The following PKHD1 variants were observed in gnomAD, a reference collection of about 807,000 sequenced individuals.
The protein encoded by PKHD1 is fibrocystin.
PKHD1 carries 291 observed loss-of-function variants against 412.0 expected under a neutral mutation model. That is an observed-to-expected ratio of 0.71 (90% CI 0.64 to 0.78). The LOEUF (loss-of-function observed/expected upper bound fraction) is 0.78, where lower values mean the gene tolerates loss of function less well. Ranked by LOEUF, PKHD1 falls within the 30% of genes least tolerant of loss-of-function variation. The pLI is 0.00. For synonymous variants in PKHD1, 1,777 were observed against 1,821.5 expected (o/e 0.98, Z 0.62); for missense variants, 4,825 against 4,950.7 (o/e 0.97, Z 0.76).
chr6:52,085,379 T>A (rs531941145), intron 1 of PKHD1, among the ~76,000 whole-genome samples: 72 of 152,350 alleles, frequency 4.7e-4, no homozygotes, highest in Admixed American at 1.5e-3. Flanking sequence ...CAGCTTTCCC[T>A]CGTGCTGCTC....
chr6:52,043,779 C>CA (rs1296146389), intron 25 of PKHD1, 49 bp from the exon 26 acceptor site: 1 of 1,271,512 alleles, frequency 7.9e-7, no homozygotes, highest in East Asian at 2.3e-5. Flanking sequence ...TCATATCTAC[C>CA]AGGGTATTCA....
intron 60 of PKHD1, among the ~76,000 whole-genome samples, chr6:51,687,936 T>C (rs570523314): frequency 6.6e-6 from 1 of 152,362 alleles, no homozygotes; most frequent in South Asian, 2.1e-4. Context: ...CTACAAATAG[T>C]ATTGCCTTGA....
At position 51,847,643 on chromosome 6, in the gene PKHD1, T is replaced by C. The variant is rs537219211; in HGVS notation, c.8107+132A>G. On this transcript the variant is annotated intron_variant, in intron 50 of 66. Transcript: ENST00000371117. The stretch of plus-strand genomic sequence containing the variant: ...CCAGGCAATCAGACTTCAGGGAACA[T>C]TCACTCAACCATAACACACAGCTGT... 5.2e-5 allele frequency: 39 copies of C among 748,526 alleles called. No homozygotes were observed. In the South Asian group the frequency reaches 5.6e-4, roughly 11 times the overall value. 46.4% of individuals were successfully genotyped at this position (748,526 alleles called of 1,614,324 possible).
intron 60 of PKHD1, among the ~76,000 whole-genome samples, chr6:51,702,753 T>C (rs1423989018): frequency 6.6e-6 from 1 of 151,844 alleles, no homozygotes; most frequent in Non-Finnish European, 1.5e-5. Context: ...TTTTGATAAA[T>C]GGAGAGAGTA....
In PKHD1 at chr6:52,072,109, A is replaced by G. The variant is rs758866420; in HGVS notation, c.602+6T>C. The stretch of plus-strand genomic sequence containing the variant: ...ATGTGCATTGGCAAGATAATAAGAC[A>G]CTCACCAGCTTCCCATCTGCCTATT... On this transcript the variant is annotated splice_donor_region_variant and intron_variant, in intron 8 of 66. Coordinates refer to ENST00000371117, the MANE Select transcript of PKHD1 (RefSeq NM_138694.4). 2 of 1,563,398 alleles carry G rather than the reference A, an allele frequency of 1.3e-6. No individual in the cohort carries two copies. The highest frequency in any genetic ancestry group is 1.8e-6 in the Non-Finnish European group (2 of 1,133,986).
At chr6:51,887,358 T>A in intron 43 of PKHD1, 113 bp from the exon 44 acceptor site, 1 of 745,810 alleles carries the variant, frequency 1.3e-6, no homozygotes, top group Non-Finnish European at 2.4e-6. Flanking sequence ...TCTGCCAAAG[T>A]ACATTAAAAC....
chr6:52,073,076 C>G (rs1310817205), intron 7 of PKHD1, among the ~76,000 whole-genome samples: 1 of 152,172 alleles, frequency 6.6e-6, no homozygotes, highest in African/African-American at 2.4e-5. Flanking sequence ...ATTTTTAAAG[C>G]ACAAATGGAT....
At chr6:51,690,245 C>T (rs1189247424) in intron 60 of PKHD1, among the ~76,000 whole-genome samples, 1 of 139,642 alleles carries the variant, frequency 7.2e-6, no homozygotes, top group Non-Finnish European at 1.5e-5. Context: ...GCCCTCCAGC[C>T]TGGGTGACAG....
chr6:52,007,831 A>G (rs937991676), intron 35 of PKHD1, among the ~76,000 whole-genome samples: 2 of 152,250 alleles, frequency 1.3e-5, no homozygotes, highest in African/African-American at 4.8e-5. Context: ...AGCCATAGTT[A>G]TTTCCTAACT....
chr6:52,061,533 A>T, intron 14 of PKHD1, among the ~76,000 whole-genome samples: 1 of 152,158 alleles, frequency 6.6e-6, no homozygotes, highest in East Asian at 1.9e-4. Flanking sequence ...TTCAGGAGAC[A>T]CTTTCCTGCT....
At position 51,758,823 on chromosome 6, in the gene PKHD1, T is replaced by C. The variant is rs183905051; in HGVS notation, c.8643-3885A>G. On this transcript the variant is annotated intron_variant, in intron 55 of 66. Coordinates refer to ENST00000371117, the MANE Select transcript of PKHD1 (RefSeq NM_138694.4). ...ATTTACTAGACAAAAATATAATACT[T>C]ATTATTTACAGAGAATTTAAAAATG... Among the ~76,000 whole-genome samples the C allele has an allele frequency of 1.9e-4, 29 of 152,278 alleles. 1 individual carries two copies. The highest frequency in any genetic ancestry group is 6.5e-4 in the African/African-American group (27 of 41,574).
chr6:51,855,408 C>CT (rs1773103427), intron 49 of PKHD1, among the ~76,000 whole-genome samples: 1 of 152,198 alleles, frequency 6.6e-6, no homozygotes, highest in African/African-American at 2.4e-5. Flanking sequence ...TTATTTGTCT[C>CT]CCTTAACCCA....
intron 55 of PKHD1, among the ~76,000 whole-genome samples, chr6:51,767,612 C>A (rs1264817028): frequency 2.0e-5 from 3 of 152,088 alleles, no homozygotes; most frequent in African/African-American, 7.2e-5. Context: ...TGATGGTTTC[C>A]AGTTTCATCC....
At chr6:51,827,149 G>A (rs1045390639) in intron 52 of PKHD1, among the ~76,000 whole-genome samples, 1 of 152,010 alleles carries the variant, frequency 6.6e-6, no homozygotes, top group South Asian at 2.1e-4. Flanking sequence ...GGTTTTTACT[G>A]TAATAATAGT....
chr6:51,702,820 GAGAA>G (rs1257755807), intron 60 of PKHD1, among the ~76,000 whole-genome samples: 2 of 148,868 alleles, frequency 1.3e-5, no homozygotes, highest in Admixed American at 1.3e-4. Context: ...ACTGTTAAAA[GAGAA>G]AGAAAAAGGA....
intron 55 of PKHD1, among the ~76,000 whole-genome samples, chr6:51,762,784 C>G (rs1788259502): frequency 6.6e-6 from 1 of 151,742 alleles, no homozygotes; most frequent in Admixed American, 6.6e-5. Context: ...GATTGTAGAG[C>G]CATGTTTAAA....
chr6:51,631,946 T>C (rs993773223), intron 65 of PKHD1, among the ~76,000 whole-genome samples: 3 of 150,366 alleles, frequency 2.0e-5, no homozygotes, highest in Non-Finnish European at 4.4e-5. Flanking sequence ...TTTCTTTTTT[T>C]TTTTTTTTAT....
At chr6:51,890,391 C>T (rs1278096444) in intron 43 of PKHD1, among the ~76,000 whole-genome samples, 3 of 149,236 alleles carry the variant, frequency 2.0e-5, no homozygotes, top group Non-Finnish European at 4.5e-5. Flanking sequence ...ACAGAACAGG[C>T]ATTTGCTGTG....
intron 60 of PKHD1, among the ~76,000 whole-genome samples, chr6:51,719,753 A>C (rs1401958782): frequency 6.6e-6 from 1 of 152,184 alleles, no homozygotes; most frequent in Non-Finnish European, 1.5e-5. Flanking sequence ...ACTGCTTTCT[A>C]ATAGCAAAAA....
Sources: gnomAD v4.1 joint callset for allele counts (sites outside exome capture counted in the v4.1 genomes callset) on GRCh38, gnomAD v4.1.1 for gene constraint, MANE v1.5 for transcripts, NCBI Gene and HGNC (gene_info 2026-07-23, HGNC 2026-07-21) for gene names.